KCTD16: variants seen among roughly 807,000 people sequenced by gnomAD.
KCTD16 encodes the protein BTB/POZ domain-containing protein KCTD16.
KCTD16 carries 13 observed loss-of-function variants against 33.2 expected under a neutral mutation model. The observed-to-expected ratio is 0.39, with a 90% confidence interval of 0.25 to 0.62. The LOEUF is 0.62. Ranked by LOEUF, KCTD16 falls within the 20% of genes least tolerant of loss-of-function variation. The pLI, the probability that KCTD16 is intolerant of heterozygous loss-of-function variation, is 0.50. For missense variants in KCTD16, 441 were observed against 525.1 expected (o/e 0.84, Z 1.57); for synonymous variants, 197 against 195.3 (o/e 1.01, Z -0.07).
chr5:144,271,279 C>A (rs533977238), intron 3 of KCTD16, among the ~76,000 whole-genome samples: 2 of 151,860 alleles, frequency 1.3e-5, no homozygotes, highest in East Asian at 1.9e-4. Flanking sequence ...TACTAGCAAA[C>A]AAAATTTGGG....
chr5:144,424,112 G>A (rs1308323832), intron 3 of KCTD16, among the ~76,000 whole-genome samples: 1 of 152,132 alleles, frequency 6.6e-6, no homozygotes, highest in African/African-American at 2.4e-5. Flanking sequence ...CTCTGACTCT[G>A]AAGTCCAGGA....
chr5:144,415,772 C>G (rs763062477), intron 3 of KCTD16, among the ~76,000 whole-genome samples: 3 of 152,138 alleles, frequency 2.0e-5, no homozygotes, highest in Non-Finnish European at 4.4e-5. Context: ...AACTCTTGTA[C>G]TACTGCTAGC....
chr5:144,224,698 C>T (rs1753875282), intron 3 of KCTD16, among the ~76,000 whole-genome samples: 1 of 152,184 alleles, frequency 6.6e-6, no homozygotes, highest in Non-Finnish European at 1.5e-5. Flanking sequence ...GCGGTCTTAA[C>T]TTGCTACTGA....
In KCTD16 at chr5:144,480,007, A is replaced by T. The variant is rs920549994; in HGVS notation, c.*5893A>T. Reference sequence around the variant, plus strand: ...CAGTTTATTTTTAGAATTGACCTTTAGATAATTTACCTGCATTTGCACAGT... The same window carrying T: ...CAGTTTATTTTTAGAATTGACCTTTTGATAATTTACCTGCATTTGCACAGT... On this transcript the variant is annotated 3_prime_UTR_variant, in exon 4 of 4. Transcript: ENST00000512467. 1.3e-5 allele frequency: 2 copies of T among 152,000 alleles called. No homozygotes were observed. Among genetic ancestry groups the T allele is most frequent in the African/African-American group, 4.8e-5 (2 of 41,420 alleles). 9.4% of individuals were successfully genotyped at this position (152,000 alleles called of 1,614,324 possible). A position where few individuals can be genotyped will look rare whatever the true frequency, so the allele number is the denominator to read the frequency against.
chr5:144,452,160 A>G (rs1580975843), intron 3 of KCTD16, among the ~76,000 whole-genome samples: 1 of 148,058 alleles, frequency 6.8e-6, no homozygotes, highest in African/African-American at 2.5e-5. Flanking sequence ...ATATATATAT[A>G]TATATTCCTG....
intron 3 of KCTD16, among the ~76,000 whole-genome samples, chr5:144,288,661 A>G (rs1188085328): frequency 6.6e-6 from 1 of 152,170 alleles, no homozygotes; most frequent in African/African-American, 2.4e-5. Flanking sequence ...AGTAAGTTAC[A>G]TTAGGTCTCT....
intron 3 of KCTD16, among the ~76,000 whole-genome samples, chr5:144,454,807 T>G (rs947523033): frequency 6.6e-6 from 1 of 152,104 alleles, no homozygotes; most frequent in African/African-American, 2.4e-5. Flanking sequence ...AATTTAGACC[T>G]GTAAAAAGCG....
intron 3 of KCTD16, among the ~76,000 whole-genome samples, chr5:144,234,580 G>A (rs1396573883): frequency 2.6e-5 from 4 of 152,014 alleles, no homozygotes; most frequent in African/African-American, 7.2e-5. Context: ...TCATACCCCA[G>A]TTTTGCTACT....
chr5:144,208,375 T>C (rs1308529833), intron 3 of KCTD16, among the ~76,000 whole-genome samples: 2 of 152,236 alleles, frequency 1.3e-5, no homozygotes, highest in African/African-American at 2.4e-5. Flanking sequence ...TAAATGAAGA[T>C]ACCCTGCAGA....
chr5:144,459,189 C>A (rs1754138554), intron 3 of KCTD16, among the ~76,000 whole-genome samples: 3 of 152,140 alleles, frequency 2.0e-5, no homozygotes, highest in Non-Finnish European at 4.4e-5. Flanking sequence ...ATGAGCCTCA[C>A]TTTTGTCATC....
chr5:144,172,649 G>A (rs569490224), intron 1 of KCTD16, among the ~76,000 whole-genome samples: 1 of 152,174 alleles, frequency 6.6e-6, no homozygotes, highest in East Asian at 1.9e-4. Flanking sequence ...ATGATTTGCT[G>A]GAGACAATTC....
At chr5:144,209,128 AT>A (rs1753285518) in intron 3 of KCTD16, among the ~76,000 whole-genome samples, 1 of 152,214 alleles carries the variant, frequency 6.6e-6, no homozygotes, top group Admixed American at 6.5e-5. Flanking sequence ...ATGTTCTCCG[AT>A]TTTGAATATT....
chr5:144,360,421 G>T (rs1751681893), intron 3 of KCTD16, among the ~76,000 whole-genome samples: 3 of 151,686 alleles, frequency 2.0e-5, no homozygotes, highest in South Asian at 4.2e-4. Flanking sequence ...CCCTGCAAAA[G>T]ACATGAATTC....
intron 3 of KCTD16, among the ~76,000 whole-genome samples, chr5:144,250,876 T>A (rs1222200149): frequency 6.6e-6 from 1 of 152,218 alleles, no homozygotes; most frequent in Non-Finnish European, 1.5e-5. Flanking sequence ...TATATTTATG[T>A]AAGTGGATTA....
intron 3 of KCTD16, among the ~76,000 whole-genome samples, chr5:144,229,502 A>C (rs146468058): frequency 3.3e-5 from 5 of 152,340 alleles, no homozygotes; most frequent in African/African-American, 1.2e-4. Flanking sequence ...GTTAGGAGTT[A>C]GGAGTACTCA....
intron 3 of KCTD16, among the ~76,000 whole-genome samples, chr5:144,226,935 T>C (rs535997667): frequency 6.6e-6 from 1 of 152,344 alleles, no homozygotes; most frequent in African/African-American, 2.4e-5. Context: ...TTTTCCAGGC[T>C]TTATGCTAAG....
rs1054611521 is a variant in KCTD16 at position 144,477,476 on chromosome 5, G to T, written c.*3362G>T. 2.0e-5 allele frequency: 3 copies of T among 152,096 alleles called. No individual in the cohort carries two copies. The highest frequency in any genetic ancestry group is 4.8e-5 in the African/African-American group (2 of 41,422). 9.4% of individuals were successfully genotyped at this position (152,096 alleles called of 1,614,324 possible). On this transcript the variant is annotated 3_prime_UTR_variant, in exon 4 of 4. Transcript: ENST00000512467. ...CACATTTATTAAGGGATGTTGACATGGAATTTTTCTCTTTTCAATTAGCCT... is the reference window on the plus strand; with the variant it reads ...CACATTTATTAAGGGATGTTGACATTGAATTTTTCTCTTTTCAATTAGCCT...
At chr5:144,252,506 T>C (rs771984605) in intron 3 of KCTD16, among the ~76,000 whole-genome samples, 3 of 152,124 alleles carry the variant, frequency 2.0e-5, no homozygotes, top group Non-Finnish European at 4.4e-5. Flanking sequence ...GAATAATAAA[T>C]AGAAATGTCA....
intron 3 of KCTD16, among the ~76,000 whole-genome samples, chr5:144,284,962 A>G (rs1755704611): frequency 6.6e-6 from 1 of 152,218 alleles, no homozygotes; most frequent in African/African-American, 2.4e-5. Context: ...TCATAGAAGC[A>G]CCTCGGGTAA....
Sources: allele counts gnomAD v4.1 joint callset (sites outside exome capture counted in the v4.1 genomes callset), GRCh38; gene constraint gnomAD v4.1.1; transcripts MANE v1.5; gene names NCBI Gene and HGNC (gene_info 2026-07-23, HGNC 2026-07-21).